Variants in NEDD4L observed in about 807,000 individuals in gnomAD.
NEDD4L encodes E3 ubiquitin-protein ligase NEDD4-like.
Under a neutral mutation model 148.9 loss-of-function variants are expected in NEDD4L, and 54 were observed. The ratio of observed to expected loss-of-function variants is 0.36; its 90% CI spans 0.29 to 0.45. NEDD4L has a LOEUF of 0.45. Among genes scored for constraint, NEDD4L ranks in the 20% least tolerant of loss-of-function variants. The probability of loss-of-function intolerance (pLI) is 1.00; values close to 1 mark genes in which losing one functional copy is unlikely to be tolerated. For synonymous variants in NEDD4L, 433 were observed against 440.7 expected (o/e 0.98, Z 0.22); for missense variants, 856 against 1,233.8 (o/e 0.69, Z 4.59).
chr18:58,324,269 G>T (rs1232066268), intron 8 of NEDD4L, among the ~76,000 whole-genome samples: 2 of 152,182 alleles, frequency 1.3e-5, no homozygotes, highest in African/African-American at 2.4e-5. Flanking sequence ...ATTTTCCAGT[G>T]ATTTTAGCAG....
intron 1 of NEDD4L, among the ~76,000 whole-genome samples, chr18:58,087,363 G>A (rs1233858090): frequency 6.6e-6 from 1 of 152,166 alleles, no homozygotes; most frequent in African/African-American, 2.4e-5. Flanking sequence ...GGCCCTCCAG[G>A]TTCTAGCTTT....
intron 27 of NEDD4L, chr18:58,388,344 T>C (rs2049329795): frequency 1.3e-5 from 2 of 152,240 alleles, no homozygotes; most frequent in Admixed American, 6.5e-5. Context: ...ACCTCAAGCC[T>C]TTCCTCTGAT....
intron 5 of NEDD4L, among the ~76,000 whole-genome samples, chr18:58,267,748 C>G (rs191426730): frequency 1.1e-4 from 16 of 152,156 alleles, no homozygotes; most frequent in Admixed American, 9.8e-4. Flanking sequence ...TATTTTTGCA[C>G]TTTTGCACCA....
intron 2 of NEDD4L, among the ~76,000 whole-genome samples, chr18:58,243,773 A>G (rs2046921340): frequency 6.6e-6 from 1 of 152,220 alleles, no homozygotes; most frequent in South Asian, 2.1e-4. Flanking sequence ...ATTTAACCAA[A>G]TAAAGGTTTA....
At chr18:58,353,529 A>G (rs374474553) in intron 18 of NEDD4L, among the ~76,000 whole-genome samples, 2 of 152,386 alleles carry the variant, frequency 1.3e-5, no homozygotes, top group African/African-American at 4.8e-5. Flanking sequence ...CCATCGCTCC[A>G]TAATTCATCA....
intron 5 of NEDD4L, among the ~76,000 whole-genome samples, chr18:58,268,511 A>C (rs2050555780): frequency 6.6e-6 from 1 of 151,948 alleles, no homozygotes; most frequent in Non-Finnish European, 1.5e-5. Flanking sequence ...TTGGGGTGAA[A>C]TATTTTTATT....
chr18:58,068,024 A>G (rs2082688573), intron 1 of NEDD4L, among the ~76,000 whole-genome samples: 1 of 152,016 alleles, frequency 6.6e-6, no homozygotes, highest in Non-Finnish European at 1.5e-5. Context: ...CAGCTGTGTG[A>G]TCATAGCTCA....
intron 5 of NEDD4L, among the ~76,000 whole-genome samples, chr18:58,280,548 T>C (rs2052895029): frequency 6.6e-6 from 1 of 152,154 alleles, no homozygotes; most frequent in Non-Finnish European, 1.5e-5. Flanking sequence ...CTGTGCATAT[T>C]GGTAGGTTCT....
At chr18:58,204,290 T>C (rs1409611476) in intron 2 of NEDD4L, among the ~76,000 whole-genome samples, 2 of 151,990 alleles carry the variant, frequency 1.3e-5, no homozygotes, top group Non-Finnish European at 2.9e-5. Flanking sequence ...ATTGCACCAC[T>C]GCACTACAGC....
At chr18:58,087,071 C>T (rs2083795023) in intron 1 of NEDD4L, among the ~76,000 whole-genome samples, 1 of 152,244 alleles carries the variant, frequency 6.6e-6, no homozygotes, top group African/African-American at 2.4e-5. Context: ...TGAAGGACAA[C>T]ACCCTTACTT....
At chr18:58,084,026 C>T (rs755664902) in intron 1 of NEDD4L, among the ~76,000 whole-genome samples, 13 of 152,242 alleles carry the variant, frequency 8.5e-5, no homozygotes, top group Admixed American at 1.3e-4. Flanking sequence ...CCAGTGCGCC[C>T]GGCCCAAAGC....
intron 1 of NEDD4L, among the ~76,000 whole-genome samples, chr18:58,092,573 T>C (rs2145320693): frequency 6.6e-6 from 1 of 152,130 alleles, no homozygotes; most frequent in South Asian, 2.1e-4. Context: ...GATAAACTGC[T>C]TAGAGTGAAT....
intron 1 of NEDD4L, among the ~76,000 whole-genome samples, chr18:58,113,418 G>A (rs1282519568): frequency 6.6e-6 from 1 of 152,166 alleles, no homozygotes; most frequent in Non-Finnish European, 1.5e-5. Flanking sequence ...GAATTAGAGG[G>A]GCTTCTCAAA....
At chr18:58,111,849 G>T in intron 1 of NEDD4L, among the ~76,000 whole-genome samples, 1 of 152,160 alleles carries the variant, frequency 6.6e-6, no homozygotes, top group South Asian at 2.1e-4. Flanking sequence ...TTATACCTAG[G>T]AATGGAACTG....
In NEDD4L at chr18:58,117,031, C is replaced by T. The variant is rs568560926; in HGVS notation, c.49-48757C>T. Among the ~76,000 whole-genome samples, 126 of 152,284 alleles carry T rather than the reference C, an allele frequency of 8.3e-4. 2 individuals carry two copies. The South Asian group carries it at 0.025, about 31-fold the overall frequency. ...GAAGGGAATTTCAGGAGTAAGAAAG[C>T]GGCAGCTCTTAACATACCTGGGAGA... is the stretch of plus-strand genomic sequence containing the variant. On this transcript the variant is annotated intron_variant, in intron 1 of 30. Transcript: ENST00000400345.
chr18:58,345,930 G>GTTT (rs35603239), intron 16 of NEDD4L, among the ~76,000 whole-genome samples: 2 of 128,382 alleles, frequency 1.6e-5, no homozygotes, highest in African/African-American at 6.5e-5. Flanking sequence ...TTTGTTTTTT[G>GTTT]TTTTTTTTAG....
At chr18:58,262,734 G>A (rs1027333521) in intron 5 of NEDD4L, among the ~76,000 whole-genome samples, 1 of 152,036 alleles carries the variant, frequency 6.6e-6, no homozygotes, top group African/African-American at 2.4e-5. Flanking sequence ...TGATTATTCT[G>A]CTGTGGCTTC....
intron 1 of NEDD4L, among the ~76,000 whole-genome samples, chr18:58,069,023 G>C (rs2082740437): frequency 6.6e-6 from 1 of 151,410 alleles, no homozygotes; most frequent in Non-Finnish European, 1.5e-5. Flanking sequence ...TGTAGTCCCA[G>C]CTACTTCAGA....
chr18:58,282,244 A>G (rs1285700321), intron 5 of NEDD4L, among the ~76,000 whole-genome samples: 2 of 151,650 alleles, frequency 1.3e-5, no homozygotes, highest in African/African-American at 4.9e-5. Context: ...AGCATTTTCT[A>G]ATTTGGTTAA....
Sources: gnomAD v4.1 joint callset for allele counts (sites outside exome capture counted in the v4.1 genomes callset) on GRCh38, gnomAD v4.1.1 for gene constraint, MANE v1.5 for transcripts, NCBI Gene and HGNC (gene_info 2026-07-23, HGNC 2026-07-21) for gene names.